COL5A2: variants seen among roughly 807,000 people sequenced by gnomAD.
The protein encoded by COL5A2 is collagen type V alpha 2 chain, also known as collagen alpha-2(V) chain.
In COL5A2, 23 loss-of-function variants were observed where a neutral mutation model predicts 208.2. The ratio of observed to expected loss-of-function variants is 0.11; its 90% CI spans 0.08 to 0.16. COL5A2 has a LOEUF of 0.16. COL5A2 is among the 10% of genes least tolerant of loss of function. The pLI, the probability that COL5A2 is intolerant of heterozygous loss-of-function variation, is 1.00. For missense variants in COL5A2, 1,590 were observed against 1,956.4 expected, an observed-to-expected ratio of 0.81 and a Z score of 3.53; for synonymous variants, 625 against 628.5, an observed-to-expected ratio of 0.99 and a Z score of 0.08.
chr2:189,242,414 T>C, the COL5A2 span, among the ~76,000 whole-genome samples: 2 of 152,202 alleles, frequency 1.3e-5, no homozygotes, highest in South Asian at 4.1e-4. Context: ...TAGCTAGTAA[T>C]TGGCAGGATT....
chr2:189,417,335 T>A, the COL5A2 span, among the ~76,000 whole-genome samples: 169 of 152,284 alleles, frequency 1.1e-3, no homozygotes, highest in African/African-American at 3.7e-3. Context: ...CTGGAATCTA[T>A]TTCTATATTA....
intron 45 of COL5A2, 84 bp downstream of exon 45, chr2:189,048,125 G>A: frequency 7.8e-7 from 1 of 1,287,296 alleles, no homozygotes; most frequent in Non-Finnish European, 1.1e-6. Context: ...GAACTATCAG[G>A]AAAAATGACA....
chr2:189,382,897 C>T, the COL5A2 span, among the ~76,000 whole-genome samples: 1 of 151,996 alleles, frequency 6.6e-6, no homozygotes, highest in Non-Finnish European at 1.5e-5. Flanking sequence ...ATAGTACATT[C>T]ACAAGGGCAG....
the COL5A2 span, among the ~76,000 whole-genome samples, chr2:189,414,622 C>T: frequency 5.3e-5 from 8 of 151,864 alleles, no homozygotes; most frequent in Non-Finnish European, 2.9e-5. Context: ...CGGTGGCATG[C>T]GCCTATAATC....
At chr2:189,072,885 C>T (rs376307241) in intron 17 of COL5A2, among the ~76,000 whole-genome samples, 4 of 151,158 alleles carry the variant, frequency 2.6e-5, no homozygotes, top group African/African-American at 9.7e-5. Context: ...GAATTTAAAC[C>T]ATTGATTAAA....
At chr2:189,234,356 C>G in the COL5A2 span, among the ~76,000 whole-genome samples, 3 of 151,848 alleles carry the variant, frequency 2.0e-5, no homozygotes, top group Admixed American at 2.0e-4. Flanking sequence ...TCTATGTTTA[C>G]ATAAACTCAA....
chr2:189,319,629 C>G, the COL5A2 span, among the ~76,000 whole-genome samples: 3 of 152,238 alleles, frequency 2.0e-5, no homozygotes, highest in East Asian at 5.8e-4. Context: ...GGGGCGCCCG[C>G]CATTGCTGAG....
At chr2:189,268,662 C>T in the COL5A2 span, among the ~76,000 whole-genome samples, 4 of 151,432 alleles carry the variant, frequency 2.6e-5, no homozygotes, top group African/African-American at 7.3e-5. Flanking sequence ...CACAAAAAAG[C>T]ACTTCATCTT....
At chr2:189,303,902 A>G in the COL5A2 span, among the ~76,000 whole-genome samples, 1 of 152,096 alleles carries the variant, frequency 6.6e-6, no homozygotes, top group African/African-American at 2.4e-5. Flanking sequence ...TGCCCGAGTC[A>G]TGAATCGTTC....
the COL5A2 span, among the ~76,000 whole-genome samples, chr2:189,370,883 C>T: frequency 6.6e-6 from 1 of 152,068 alleles, no homozygotes; most frequent in Non-Finnish European, 1.5e-5. Flanking sequence ...AAGGCTAAGT[C>T]TGACAGGATG....
chr2:189,102,810 C>G (rs1030676744), intron 3 of COL5A2, among the ~76,000 whole-genome samples: 5 of 152,144 alleles, frequency 3.3e-5, no homozygotes, highest in East Asian at 3.9e-4. Context: ...TGGATATAAA[C>G]GAAGAACAAA....
the COL5A2 span, among the ~76,000 whole-genome samples, chr2:189,392,663 G>A: frequency 6.6e-6 from 1 of 152,144 alleles, no homozygotes; most frequent in East Asian, 1.9e-4. Context: ...CAGGGAGGAG[G>A]TAGGGAAGAT....
At chr2:189,320,603 A>G in the COL5A2 span, among the ~76,000 whole-genome samples, 6 of 152,218 alleles carry the variant, frequency 3.9e-5, no homozygotes, top group African/African-American at 1.4e-4. Context: ...AAGTGAGAAA[A>G]GAAGTTTAGA....
In COL5A2 at chr2:189,050,478, T is replaced by A; in HGVS notation, c.3039+91A>T. 5 of 1,060,498 alleles carry A rather than the reference T, an allele frequency of 4.7e-6. No homozygotes were observed. In the Admixed American group the frequency reaches 9.9e-5, roughly 21 times the overall value. 65.7% of individuals were successfully genotyped at this position (1,060,498 alleles called of 1,614,324 possible). A position where few individuals can be genotyped will look rare whatever the true frequency, so the allele number is the denominator to read the frequency against. ...TAATGTCCCTACAATACTGTTTAAA[T>A]CTATTCATCAAGCAAAAAAAATAAA... On this transcript the variant is annotated intron_variant, in intron 43 of 53. Transcript: ENST00000374866.
the COL5A2 span, among the ~76,000 whole-genome samples, chr2:189,260,038 T>C: frequency 2.6e-5 from 4 of 152,218 alleles, no homozygotes; most frequent in Non-Finnish European, 1.5e-5. Flanking sequence ...AAAATGTTTA[T>C]TACTTTTTTA....
At chr2:189,177,439 A>G (rs1688697682) in intron 1 of COL5A2, among the ~76,000 whole-genome samples, 1 of 152,248 alleles carries the variant, frequency 6.6e-6, no homozygotes, top group African/African-American at 2.4e-5. Flanking sequence ...AGTAAGTACA[A>G]TATAAGTTAA....
the COL5A2 span, among the ~76,000 whole-genome samples, chr2:189,283,615 CA>C: frequency 1.2e-4 from 17 of 145,058 alleles, no homozygotes; most frequent in Admixed American, 1.4e-4. Context: ...GATCTTGAAA[CA>C]AAAAAAAAGG....
At chr2:189,204,803 G>A (rs1460672918) in intron 1 of COL5A2, among the ~76,000 whole-genome samples, 2 of 152,182 alleles carry the variant, frequency 1.3e-5, no homozygotes, top group Non-Finnish European at 2.9e-5. Context: ...TAATTATGTT[G>A]TGTTGAATTA....
intron 1 of COL5A2, among the ~76,000 whole-genome samples, chr2:189,157,141 T>TATATCTATATATAGATATATCG (rs1688267850): frequency 1.5e-5 from 2 of 137,016 alleles, no homozygotes; most frequent in African/African-American, 5.3e-5. Flanking sequence ...TATATATATC[T>TATATCTATATATAGATATATCG]ATATATCTTC....
Sources: gnomAD v4.1 joint callset for allele counts (sites outside exome capture counted in the v4.1 genomes callset) on GRCh38, gnomAD v4.1.1 for gene constraint, MANE v1.5 for transcripts, NCBI Gene and HGNC (gene_info 2026-07-23, HGNC 2026-07-21) for gene names.